The following GON4L variants were observed in gnomAD, a reference collection of about 807,000 sequenced individuals.
The protein encoded by GON4L is GON-4-like protein.
A neutral mutation model predicts 211.8 loss-of-function variants in GON4L; 87 were observed. The observed-to-expected ratio is 0.41, with a 90% CI of 0.35 to 0.49. GON4L has a LOEUF of 0.49. GON4L is among the 20% of genes least tolerant of loss of function. The pLI, the probability that GON4L is intolerant of heterozygous loss-of-function variation, is 0.15. For missense variants in GON4L, 2,155 were observed against 2,659.5 expected, an observed-to-expected ratio of 0.81 and a Z score of 4.17; for synonymous variants, 875 against 962.6, an observed-to-expected ratio of 0.91 and a Z score of 1.68.
At chr1:155,836,573 C>G (rs1050684790) in intron 2 of GON4L, among the ~76,000 whole-genome samples, 1 of 152,144 alleles carries the variant, frequency 6.6e-6, no homozygotes, top group African/African-American at 2.4e-5. Context: ...AACTGATTTA[C>G]TTTCTCTTTC....
At chr1:155,771,477 T>G (rs1398923196) in intron 18 of GON4L, among the ~76,000 whole-genome samples, 3 of 151,924 alleles carry the variant, frequency 2.0e-5, no homozygotes, top group Non-Finnish European at 4.4e-5. Context: ...CAATCTACCT[T>G]TTCATTTTTT....
At chr1:155,825,841 A>C (rs1669154310) in intron 3 of GON4L, among the ~76,000 whole-genome samples, 1 of 149,246 alleles carries the variant, frequency 6.7e-6, no homozygotes, top group Non-Finnish European at 1.5e-5. Flanking sequence ...TCAGGAGTTC[A>C]AGACCAGCCT....
At chr1:155,782,105 C>A (rs1664480020) in intron 14 of GON4L, among the ~76,000 whole-genome samples, 1 of 152,192 alleles carries the variant, frequency 6.6e-6, no homozygotes, top group Admixed American at 6.5e-5. Context: ...AAGGGAAGCA[C>A]AGATAACTCA....
intron 24 of GON4L, among the ~76,000 whole-genome samples, chr1:155,759,623 C>G (rs1328395880): frequency 6.6e-6 from 1 of 151,682 alleles, no homozygotes; most frequent in Non-Finnish European, 1.5e-5. Flanking sequence ...TGATTGGAAC[C>G]TCATAATACC....
Position 155,766,426 on chromosome 1 carries a change from A to C in GON4L, c.3047T>G (p.Phe1016Cys), listed in dbSNP as rs943337584. 1.2e-6 allele frequency: 2 copies of C among 1,614,058 alleles called. No homozygotes were observed. Among genetic ancestry groups the C allele is most frequent in the East Asian group, 4.5e-5 (2 of 44,870 alleles). The stretch of plus-strand genomic sequence containing the variant: ...TCGGGCTGGTGTTTTCCCAGGGTTG[A>C]AGCTGGGCTGGAGAGAGGGGCTGGG... ...IQPSPSLQPSFNPGKTPARST... is the reference protein window; with the variant it reads ...IQPSPSLQPSCNPGKTPARST... The change falls in exon 21 of 32, where the codon TTC (phenylalanine) becomes TGC (cysteine). Residue 1016 changes from phenylalanine (F) to cysteine (C), a missense_variant. Physicochemically the swap from Phe to Cys is radical, Grantham distance 205. Coordinates refer to ENST00000368331, the MANE Select transcript of GON4L (RefSeq NM_001282860.2).
intron 10 of GON4L, among the ~76,000 whole-genome samples, chr1:155,809,222 A>G (rs904604327): frequency 6.6e-6 from 1 of 152,138 alleles, no homozygotes; most frequent in African/African-American, 2.4e-5. Context: ...CAGCCTATCT[A>G]AAGTTCTCTG....
intron 1 of GON4L, among the ~76,000 whole-genome samples, chr1:155,856,364 A>C (rs111303212): frequency 6.6e-6 from 1 of 150,772 alleles, no homozygotes; most frequent in Non-Finnish European, 1.5e-5. Context: ...AGTAGCTAGG[A>C]CTACAAGGCA....
rs201200565 is a variant in GON4L at position 155,822,503 on chromosome 1, G to A, written c.698-27C>T. 1.3e-5 allele frequency: 21 copies of A among 1,572,554 alleles called. No homozygotes were observed. In the East Asian group the frequency reaches 3.8e-4, roughly 28 times the overall value. On this transcript the variant is annotated intron_variant, in intron 3 of 31. Coordinates refer to ENST00000368331, the MANE Select transcript of GON4L (RefSeq NM_001282860.2). ...TGCAAATAAACCAAGAACATCATCA[G>A]AATTCCAAAATAGCTGCTCCAGGAA...
chr1:155,789,610 T>C (rs545105427), intron 12 of GON4L, among the ~76,000 whole-genome samples: 11 of 144,910 alleles, frequency 7.6e-5, no homozygotes, highest in African/African-American at 2.5e-4. Context: ...TGTCTGAATT[T>C]AAAAAAAAAA....
chr1:155,825,056 G>C (rs1007967297), intron 3 of GON4L, among the ~76,000 whole-genome samples: 3 of 151,800 alleles, frequency 2.0e-5, no homozygotes, highest in Non-Finnish European at 4.4e-5. Flanking sequence ...CCGAGTTGCT[G>C]GGGAGGCTGA....
chr1:155,853,284 T>C lies in GON4L; in HGVS notation c.497A>G (p.Glu166Gly). 6.2e-7 allele frequency: 1 copy of C among 1,613,738 alleles called. No individual in the cohort carries two copies. Among genetic ancestry groups the C allele is most frequent in the South Asian group, 1.1e-5 (1 of 91,080 alleles). ...GACCTTGTATACCTTACCTCCTTCT[T>C]CCTTGACTTCTTCACTAGGCTCTCC... ...FSGEPSEEVKEEGGKPQMNSE... is the reference protein window; with the variant it reads ...FSGEPSEEVKGEGGKPQMNSE... Residue 166 changes from glutamate to glycine, a missense_variant, in exon 2 of 32, where the codon GAA becomes GGA. Physicochemically the swap from Glu to Gly is moderately conservative, Grantham distance 98. This residue lies in a region of GON4L where 313 missense variants were observed against 293.2 expected (regional missense o/e 1.07). Transcript: ENST00000368331.
intron 21 of GON4L, chr1:155,764,705 C>G: frequency 1.3e-6 from 1 of 795,848 alleles, no homozygotes; most frequent in Admixed American, 2.4e-5. Context: ...TCCCAAAGTG[C>G]TGGGACTACA....
intron 2 of GON4L, among the ~76,000 whole-genome samples, chr1:155,831,212 T>G (rs1004299001): frequency 6.6e-6 from 1 of 151,984 alleles, no homozygotes; most frequent in African/African-American, 2.4e-5. Context: ...GGTGGGAGAA[T>G]CACTTGAGCC....
At chr1:155,757,599 T>TA (rs1661333724) in intron 25 of GON4L, among the ~76,000 whole-genome samples, 1 of 149,170 alleles carries the variant, frequency 6.7e-6, no homozygotes, top group Admixed American at 6.7e-5. Flanking sequence ...AGCAAGGAGG[T>TA]AAGGCCCCTC....
intron 15 of GON4L, 114 bp from the exon 16 acceptor site, chr1:155,776,595 G>T: frequency 1.2e-6 from 1 of 861,040 alleles, no homozygotes; most frequent in Non-Finnish European, 1.9e-6. Context: ...CTGTCACTCA[G>T]GCTGATGTGC....
chr1:155,848,940 G>C (rs895268338), intron 2 of GON4L, among the ~76,000 whole-genome samples: 1 of 147,458 alleles, frequency 6.8e-6, no homozygotes, highest in Non-Finnish European at 1.5e-5. Flanking sequence ...CTGAAGTCAG[G>C]AGTTCGAGAC....
rs747462100 is a variant in GON4L at position 155,751,843 on chromosome 1, A to G, written c.6500T>C (p.Met2167Thr). ...TGGCTGTGCCCCTTGCTCCTGGCAC[A>G]TGGTGAGGATCACACGGTCAGCTTC... is the stretch of plus-strand genomic sequence containing the variant. ...TREADRVILT[M>T]CQEQGAQPQT... Residue 2167 changes from methionine to threonine, a missense_variant, in exon 31 of 32, where the codon ATG (methionine) becomes ACG (threonine). Met to Thr is a moderately conservative substitution (Grantham distance 81, BLOSUM62 -1). Coordinates refer to ENST00000368331, the MANE Select transcript of GON4L (RefSeq NM_001282860.2). 1.2e-6 allele frequency: 2 copies of G among 1,613,686 alleles called. No homozygotes were observed. Among genetic ancestry groups the G allele is most frequent in the East Asian group, 2.2e-5 (1 of 44,870 alleles).
intron 2 of GON4L, among the ~76,000 whole-genome samples, chr1:155,849,408 GT>G (rs967278574): frequency 6.6e-6 from 1 of 151,888 alleles, no homozygotes; most frequent in Admixed American, 6.6e-5. Context: ...GCCAAGCGTG[GT>G]GGCGGGCGCC....
chr1:155,748,736 T>C (rs1409399549), downstream of GON4L: 22 of 1,614,148 alleles, frequency 1.4e-5, no homozygotes, highest in East Asian at 6.7e-5. Flanking sequence ...CTGGAACACG[T>C]TGCTTTGCCC....
Sources: allele counts gnomAD v4.1 joint callset (sites outside exome capture counted in the v4.1 genomes callset), GRCh38; gene constraint gnomAD v4.1.1; regional missense constraint gnomAD v4.1.1; transcripts MANE v1.5; gene names NCBI Gene and HGNC (gene_info 2026-07-23, HGNC 2026-07-21).